Variants in PAK5 observed in about 807,000 individuals in gnomAD.
PAK5 encodes p21 (RAC1) activated kinase 5, also known as serine/threonine-protein kinase PAK 5.
In PAK5, 16 loss-of-function variants were observed where a neutral mutation model predicts 65.9. The ratio of observed to expected loss-of-function variants is 0.24; its 90% confidence interval spans 0.16 to 0.37. PAK5 has a LOEUF of 0.37. Ranked by LOEUF, PAK5 falls within the 10% of genes least tolerant of loss-of-function variation. The pLI, the probability that PAK5 is intolerant of heterozygous loss-of-function variation, is 1.00. For missense variants in PAK5, 785 were observed against 903.9 expected, an observed-to-expected ratio of 0.87 and a Z score of 1.69; for synonymous variants, 371 against 354.9, an observed-to-expected ratio of 1.05 and a Z score of -0.51.
At chr20:9,807,229 C>T (rs1405294709) in intron 1 of PAK5, among the ~76,000 whole-genome samples, 1 of 152,124 alleles carries the variant, frequency 6.6e-6, no homozygotes, top group African/African-American at 2.4e-5. Flanking sequence ...GAGATGTAGA[C>T]ATATTTGAAG....
intron 3 of PAK5, among the ~76,000 whole-genome samples, chr20:9,640,039 C>T (rs1406727329): frequency 6.6e-6 from 1 of 152,152 alleles, no homozygotes; most frequent in African/African-American, 2.4e-5. Context: ...TGTCCTGGGT[C>T]TTCAGCTAGA....
intron 3 of PAK5, among the ~76,000 whole-genome samples, chr20:9,625,741 G>T (rs532421979): frequency 2.0e-4 from 30 of 152,284 alleles, no homozygotes; most frequent in Middle Eastern, 6.8e-3. Context: ...ACTGTGCCTG[G>T]CTCTGTCTTC....
chr20:9,808,718 G>A (rs1238585249), intron 1 of PAK5, among the ~76,000 whole-genome samples: 1 of 152,174 alleles, frequency 6.6e-6, no homozygotes, highest in Non-Finnish European at 1.5e-5. Context: ...TATAAGGCTT[G>A]GAGTTTGGTG....
intron 1 of PAK5, among the ~76,000 whole-genome samples, chr20:9,746,089 T>A (rs1361483121): frequency 6.6e-6 from 1 of 152,182 alleles, no homozygotes; most frequent in African/African-American, 2.4e-5. Flanking sequence ...TAAAATCTTC[T>A]CTTATCTGGT....
In PAK5 at chr20:9,539,090, T is replaced by TTC. The variant is rs1028003047; in HGVS notation, c.*371_*372insGA. 1.6e-4 allele frequency: 27 copies of TTC among 167,534 alleles called. No individual in the cohort carries two copies. The highest frequency in any genetic ancestry group is 2.7e-4 in the Non-Finnish European group (21 of 77,626). The allele number at this position is 167,534 out of a possible 1,614,324, so 10.4% of individuals were successfully genotyped here. ...GTGCTTTTTGTTTTCCTTTCTTTCTTTTTTTTTTTTTTTTGCCAGAAAAGT... is the reference window on the plus strand; with the variant it reads ...GTGCTTTTTGTTTTCCTTTCTTTCTTTCTTTTTTTTTTTTTTGCCAGAAAAGT... On this transcript the variant is annotated 3_prime_UTR_variant, in exon 10 of 10. Transcript: ENST00000353224.
intron 3 of PAK5, among the ~76,000 whole-genome samples, chr20:9,620,959 A>AAGAGAGAG (rs71803029): frequency 1.4e-5 from 2 of 147,050 alleles, no homozygotes; most frequent in African/African-American, 2.5e-5. Flanking sequence ...GAGAGAGAGA[A>AAGAGAGAG]AGAGAGAGAG....
intron 1 of PAK5, among the ~76,000 whole-genome samples, chr20:9,753,070 C>G (rs541791528): frequency 1.3e-5 from 2 of 152,260 alleles, no homozygotes; most frequent in Middle Eastern, 3.4e-3. Context: ...CAACCCCAAG[C>G]TGATCTCCAG....
At chr20:9,678,139 T>G (rs2047599974) in intron 2 of PAK5, among the ~76,000 whole-genome samples, 2 of 152,226 alleles carry the variant, frequency 1.3e-5, no homozygotes, top group South Asian at 4.1e-4. Flanking sequence ...TAGTCTTTGG[T>G]TGTTCACAAC....
chr20:9,828,492 A>G (rs981527471), intron 1 of PAK5, among the ~76,000 whole-genome samples: 2 of 152,116 alleles, frequency 1.3e-5, no homozygotes, highest in Non-Finnish European at 2.9e-5. Flanking sequence ...AACTGTTCCT[A>G]CTTTAGAGGA....
intron 1 of PAK5, among the ~76,000 whole-genome samples, chr20:9,772,605 T>G (rs1213129245): frequency 1.3e-5 from 2 of 152,240 alleles, no homozygotes; most frequent in African/African-American, 4.8e-5. Context: ...ATAGTTGGAA[T>G]TTCTGGTGGT....
chr20:9,666,543 G>T (rs1311575454), intron 2 of PAK5, among the ~76,000 whole-genome samples: 1 of 151,536 alleles, frequency 6.6e-6, no homozygotes, highest in Non-Finnish European at 1.5e-5. Flanking sequence ...ACAACATTTT[G>T]AGTTATGACA....
intron 3 of PAK5, among the ~76,000 whole-genome samples, chr20:9,617,647 T>C (rs1473564415): frequency 6.8e-6 from 1 of 146,748 alleles, no homozygotes; most frequent in Non-Finnish European, 1.5e-5. Context: ...GCTCCACCTC[T>C]TAGGTTCGCG....
intron 1 of PAK5, among the ~76,000 whole-genome samples, chr20:9,729,622 CT>C (rs2048313631): frequency 6.6e-6 from 1 of 152,234 alleles, no homozygotes; most frequent in Admixed American, 6.5e-5. Flanking sequence ...CCTATTTGAT[CT>C]TCCCTGCTTC....
At chr20:9,812,235 T>TA in intron 1 of PAK5, among the ~76,000 whole-genome samples, 1 of 151,824 alleles carries the variant, frequency 6.6e-6, no homozygotes, top group South Asian at 2.1e-4. Context: ...TAACATACCT[T>TA]AAAAAGGCCT....
intron 1 of PAK5, among the ~76,000 whole-genome samples, chr20:9,741,632 G>C (rs1022118196): frequency 6.6e-6 from 1 of 152,070 alleles, no homozygotes; most frequent in Non-Finnish European, 1.5e-5. Flanking sequence ...ACTTCAGAGG[G>C]TTATTCTGAG....
chr20:9,719,079 A>G (rs1181995558), intron 1 of PAK5, among the ~76,000 whole-genome samples: 2 of 152,116 alleles, frequency 1.3e-5, no homozygotes, highest in African/African-American at 4.8e-5. Flanking sequence ...CTTTCCCTTC[A>G]CTGTTGGAAT....
Position 9,749,867 on chromosome 20 carries a change from A to T in PAK5, c.-161-38432T>A, listed in dbSNP as rs183687241. Among the ~76,000 whole-genome samples, 13 of 152,268 alleles carry T rather than the reference A, an allele frequency of 8.5e-5. No individual in the cohort carries two copies. In the East Asian group the frequency reaches 2.3e-3, roughly 27 times the overall value. Reference sequence around the variant, plus strand: ...TGATTTACATGGTAGCCCAAGTTCCATATCTCCTTGCTGACCAGTAACACT... The same window carrying T: ...TGATTTACATGGTAGCCCAAGTTCCTTATCTCCTTGCTGACCAGTAACACT... On this transcript the variant is annotated intron_variant, in intron 1 of 9. Coordinates refer to ENST00000353224, the MANE Select transcript of PAK5 (RefSeq NM_177990.4).
chr20:9,687,674 T>C (rs1273990419), intron 2 of PAK5, among the ~76,000 whole-genome samples: 2 of 152,202 alleles, frequency 1.3e-5, no homozygotes, highest in African/African-American at 4.8e-5. Flanking sequence ...CCAAACACTT[T>C]TTTTTGAGGC....
At chr20:9,711,671 C>G (rs2048079358) in intron 1 of PAK5, among the ~76,000 whole-genome samples, 1 of 152,148 alleles carries the variant, frequency 6.6e-6, no homozygotes, top group Non-Finnish European at 1.5e-5. Flanking sequence ...AGCATTTTCT[C>G]CACTGTGAAT....
Sources: gnomAD v4.1 joint callset for allele counts (sites outside exome capture counted in the v4.1 genomes callset) on GRCh38, gnomAD v4.1.1 for gene constraint, MANE v1.5 for transcripts, NCBI Gene and HGNC (gene_info 2026-07-23, HGNC 2026-07-21) for gene names.